The following ATP9A variants were observed in gnomAD, a reference collection of about 807,000 sequenced individuals.
The protein encoded by ATP9A is probable phospholipid-transporting ATPase IIA.
Under a neutral mutation model 144.1 loss-of-function variants are expected in ATP9A, and 52 were observed. That is an observed-to-expected ratio of 0.36 (90% CI 0.29 to 0.45). ATP9A has a LOEUF of 0.45. ATP9A is among the 20% of genes least tolerant of loss of function. ATP9A has a pLI of 1.00. For missense variants in ATP9A, 947 were observed against 1,392.7 expected (o/e 0.68, Z 5.09); for synonymous variants, 582 against 557.4 (o/e 1.04, Z -0.62).
intron 4 of ATP9A, among the ~76,000 whole-genome samples, chr20:51,699,795 A>G (rs2077585930): frequency 6.6e-6 from 1 of 151,902 alleles, no homozygotes; most frequent in African/African-American, 2.4e-5. Context: ...GGCACCCACC[A>G]CCAAGACTGG....
chr20:51,715,938 T>C (rs935634481), intron 3 of ATP9A, among the ~76,000 whole-genome samples: 3 of 152,102 alleles, frequency 2.0e-5, no homozygotes, highest in African/African-American at 7.2e-5. Flanking sequence ...CAAGCCTCTT[T>C]TGCCAAGTTG....
Position 51,613,704 on chromosome 20 carries a change from G to T in ATP9A, c.2544C>A (p.His848Gln). Residue 848 changes from histidine (H) to glutamine (Q), a missense_variant, in exon 23 of 28, where the codon CAC (histidine) becomes CAA (glutamine). Physicochemically the swap from His to Gln is conservative, Grantham distance 24. This residue lies in a region of ATP9A where 177 missense variants were observed against 344.9 expected (regional missense o/e 0.51). Transcript: ENST00000338821. ...GCATGGTGCTGATACAGAGGCTCCT[G>T]TGAATCACGAACTGGCTGAGGGCGG... ...RSAALSQFVI[H>Q]RSLCISTMQA... 6.2e-7 allele frequency: 1 copy of T among 1,614,158 alleles called. No individual in the cohort carries two copies. The highest frequency in any genetic ancestry group is 8.5e-7 in the Non-Finnish European group (1 of 1,180,004).
At chr20:51,713,882 G>A (rs2077650467) in intron 3 of ATP9A, among the ~76,000 whole-genome samples, 1 of 152,180 alleles carries the variant, frequency 6.6e-6, no homozygotes, top group Non-Finnish European at 1.5e-5. Flanking sequence ...ACTGAAAGGT[G>A]CTTCAGCCTA....
chr20:51,662,996 C>A (rs540213720), intron 13 of ATP9A, among the ~76,000 whole-genome samples: 1 of 151,538 alleles, frequency 6.6e-6, no homozygotes, highest in East Asian at 1.9e-4. Flanking sequence ...CTTGAACCCA[C>A]GAGGCAGAGG....
intron 4 of ATP9A, among the ~76,000 whole-genome samples, chr20:51,702,705 A>C (rs2077599217): frequency 6.6e-6 from 1 of 152,066 alleles, no homozygotes; most frequent in South Asian, 2.1e-4. Flanking sequence ...AGGGTGTGGA[A>C]AGGGCCCAAA....
At chr20:51,651,425 ATATAT>A (rs1392040560) in intron 14 of ATP9A, among the ~76,000 whole-genome samples, 2 of 145,686 alleles carry the variant, frequency 1.4e-5, no homozygotes, top group Non-Finnish European at 3.0e-5. Flanking sequence ...TATGCATATC[ATATAT>A]TATATAAATA....
At chr20:51,761,668 G>A (rs1253623549) in intron 1 of ATP9A, among the ~76,000 whole-genome samples, 2 of 151,960 alleles carry the variant, frequency 1.3e-5, no homozygotes, top group Non-Finnish European at 2.9e-5. Flanking sequence ...GCTGAGACAG[G>A]AGAATGGCGC....
At chr20:51,761,486 G>T (rs146833380) in intron 1 of ATP9A, among the ~76,000 whole-genome samples, 1 of 152,172 alleles carries the variant, frequency 6.6e-6, no homozygotes, top group Non-Finnish European at 1.5e-5. Context: ...CTTTGGCCGG[G>T]CGCCGTGGCT....
chr20:51,737,304 T>C (rs2077766848), intron 1 of ATP9A, among the ~76,000 whole-genome samples: 1 of 152,212 alleles, frequency 6.6e-6, no homozygotes, highest in African/African-American at 2.4e-5. Flanking sequence ...GCAGGAGCTC[T>C]CTTGCCCCGT....
At chr20:51,744,069 T>C (rs533766910) in intron 1 of ATP9A, among the ~76,000 whole-genome samples, 8 of 152,280 alleles carry the variant, frequency 5.3e-5, no homozygotes, top group Non-Finnish European at 8.8e-5. Flanking sequence ...TCTCACCCAT[T>C]GATAACAGCC....
chr20:51,608,542 A>G lies in ATP9A; in HGVS notation c.2721T>C (p.Pro907=), dbSNP rs750100632. The G allele has an allele frequency of 1.9e-6, 3 of 1,608,716 alleles. No individual in the cohort carries two copies. Among genetic ancestry groups the G allele is most frequent in the South Asian group, 1.1e-5 (1 of 90,956 alleles). Residue 907 remains proline, a synonymous_variant, in exon 25 of 28, where the codon CCT becomes CCC. Coordinates refer to ENST00000338821, the MANE Select transcript of ATP9A (RefSeq NM_006045.3). The part of the protein sequence containing the change: ...DVKSEVAMLY[P]ELYKDLLKGR... ...CCTTGAGAAGATCCTTGTAGAGCTC[A>G]GGATACAGCATGGCAACTTCCGATT...
intron 24 of ATP9A, among the ~76,000 whole-genome samples, chr20:51,609,207 T>C (rs940602457): frequency 6.6e-6 from 1 of 152,072 alleles, no homozygotes; most frequent in Admixed American, 6.5e-5. Flanking sequence ...CCACGGAAGG[T>C]CGCACGGCGC....
chr20:51,743,609 AGGCT>A (rs1200685176), intron 1 of ATP9A, among the ~76,000 whole-genome samples: 1 of 149,396 alleles, frequency 6.7e-6, no homozygotes. Context: ...CATATTGGTC[AGGCT>A]GGTCTGGTCT....
At position 51,743,396 on chromosome 20, in the gene ATP9A, A is replaced by ATTTT. The variant is rs769952209; in HGVS notation, c.69-13422_69-13419dup. ...GAGATGGGCTGCAAGACCGAAACTG[A>ATTTT]TTTTTTTTTTTTTTTTTTTTTGAGA... On this transcript the variant is annotated intron_variant, in intron 1 of 27. Transcript: ENST00000338821. 4.7e-3 allele frequency among the ~76,000 whole-genome samples: 420 copies of ATTTT among 89,810 alleles called. 60 individuals are homozygous for ATTTT. Among genetic ancestry groups the ATTTT allele is most frequent in the African/African-American group, 0.018 (379 of 21,096 alleles). 58.9% of individuals were successfully genotyped at this position (89,810 alleles called of 152,430 possible). A position where few individuals can be genotyped will look rare whatever the true frequency, so the allele number is the denominator to read the frequency against.
intron 19 of ATP9A, among the ~76,000 whole-genome samples, chr20:51,620,075 A>G (rs1368984246): frequency 6.6e-6 from 1 of 152,194 alleles, no homozygotes; most frequent in Non-Finnish European, 1.5e-5. Flanking sequence ...TAGCCCAGGT[A>G]TGCAGAGCCA....
chr20:51,611,515 A>T lies in ATP9A; in HGVS notation c.2572-1350T>A, dbSNP rs2077184705. Among the ~76,000 whole-genome samples the T allele has an allele frequency of 6.6e-6, 1 of 152,172 alleles. No individual in the cohort carries two copies. Among genetic ancestry groups the T allele is most frequent in the African/African-American group, 2.4e-5 (1 of 41,418 alleles). On this transcript the variant is annotated intron_variant, in intron 23 of 27. Coordinates refer to ENST00000338821, the MANE Select transcript of ATP9A (RefSeq NM_006045.3). This position sits in a 1 kb window ranked among gnomAD's most constrained non-coding sequence, Gnocchi z 4.2. ...ATAAAAACACTGTGTTCTCTGACAG[A>T]CTCATGTCCCGGTGCAATTCTAACT...
intron 4 of ATP9A, among the ~76,000 whole-genome samples, chr20:51,704,771 A>G (rs1234708632): frequency 6.6e-6 from 1 of 152,130 alleles, no homozygotes; most frequent in African/African-American, 2.4e-5. Flanking sequence ...CAAGAGCGAA[A>G]CTCCATCTCA....
At chr20:51,631,737 C>T (rs2077270803) in intron 15 of ATP9A, among the ~76,000 whole-genome samples, 2 of 152,170 alleles carry the variant, frequency 1.3e-5, no homozygotes, top group African/African-American at 2.4e-5. Flanking sequence ...GACAGCGCTA[C>T]GATGATCTAC....
At position 51,607,512 on chromosome 20, in the gene ATP9A, T is replaced by G; in HGVS notation, c.2803+15A>C. ...CCAGAGCACAAGACAAACAGGTGTC[T>G]CCACTCATCCTTACCTTGATAGATG... is the stretch of plus-strand genomic sequence containing the variant. On this transcript the variant is annotated intron_variant, in intron 26 of 27. Transcript: ENST00000338821. 1 of 1,603,034 alleles carries G rather than the reference T, an allele frequency of 6.2e-7. No homozygotes were observed. The highest frequency in any genetic ancestry group is 8.5e-7 in the Non-Finnish European group (1 of 1,170,476).
Sources: gnomAD v4.1 joint callset for allele counts (sites outside exome capture counted in the v4.1 genomes callset) on GRCh38, gnomAD v4.1.1 for gene constraint, gnomAD v4.1.1 regional missense constraint, Gnocchi (gnomAD v3.1) non-coding constraint, MANE v1.5 for transcripts, NCBI Gene and HGNC (gene_info 2026-07-23, HGNC 2026-07-21) for gene names.